Variants in AKR1E2 observed in about 807,000 individuals in gnomAD.
The protein encoded by AKR1E2 is 1,5-anhydro-D-fructose reductase.
AKR1E2 carries 43 observed loss-of-function variants against 41.9 expected under a neutral mutation model. The ratio of observed to expected loss-of-function variants is 1.03; its 90% confidence interval spans 0.80 to 1.32. The LOEUF is 1.32. Among genes scored for constraint, AKR1E2 ranks in the 40% most tolerant of loss-of-function variants. AKR1E2 has a pLI of 0.00. For synonymous variants in AKR1E2, 121 were observed against 138.9 expected, an observed-to-expected ratio of 0.87 and a Z score of 0.91; for missense variants, 423 against 396.5, an observed-to-expected ratio of 1.07 and a Z score of -0.57.
At chr10:4,834,781 A>T (rs79436846) in intron 3 of AKR1E2, among the ~76,000 whole-genome samples, 5,300 of 152,280 alleles carry the variant, frequency 0.035, 149 homozygotes, top group East Asian at 0.11. Flanking sequence ...GAAAAGGAAA[A>T]GGTCTCAGAT....
chr10:4,869,977 T>C, the AKR1E2 span, among the ~76,000 whole-genome samples: 33,107 of 151,964 alleles, frequency 0.22, 3,825 homozygotes, highest in Middle Eastern at 0.33. Context: ...CTTGATTATG[T>C]GATTTGGGAA....
At chr10:4,827,326 TGA>T (rs1165192283) in intron 1 of AKR1E2, among the ~76,000 whole-genome samples, 1 of 141,818 alleles carries the variant, frequency 7.1e-6, no homozygotes, top group Non-Finnish European at 1.6e-5. Flanking sequence ...GTAAGATGTT[TGA>T]AATGTCTTGT....
the AKR1E2 span, among the ~76,000 whole-genome samples, chr10:4,854,880 C>G: frequency 2.4e-3 from 365 of 152,314 alleles, 2 homozygotes; most frequent in African/African-American, 8.5e-3. Flanking sequence ...GGTAAAGTCT[C>G]TTTCGGCTAA....
the AKR1E2 span, among the ~76,000 whole-genome samples, chr10:4,859,699 G>T: frequency 2.0e-5 from 3 of 152,216 alleles, no homozygotes; most frequent in Admixed American, 1.3e-4. Context: ...GAAGAATAGG[G>T]TCAGATCTCT....
At chr10:4,854,827 C>A in the AKR1E2 span, among the ~76,000 whole-genome samples, 761 of 152,088 alleles carry the variant, frequency 5.0e-3, 8 homozygotes, top group African/African-American at 0.018. Context: ...CTTGACTGAC[C>A]TTGGGTTAGA....
downstream of AKR1E2, among the ~76,000 whole-genome samples, chr10:4,851,535 C>T (rs966098238): frequency 2.6e-5 from 4 of 152,332 alleles, no homozygotes; most frequent in East Asian, 3.9e-4. Flanking sequence ...TGTCACGTAT[C>T]GCCTCTGCCA....
Position 4,847,142 on chromosome 10 carries a change from T to C in AKR1E2, c.838-6T>C, listed in dbSNP as rs1564279573. The C allele has an allele frequency of 6.2e-7, 1 of 1,613,500 alleles. No homozygotes were observed. The highest frequency in any genetic ancestry group is 1.3e-5 in the African/African-American group (1 of 75,036). On this transcript the variant is annotated splice_polypyrimidine_tract_variant and splice_region_variant and intron_variant, in intron 8 of 9. Coordinates refer to ENST00000298375, the MANE Select transcript of AKR1E2 (RefSeq NM_001040177.3). ...GTTTTCTACAAACATTGTGTTTTGG[T>C]TCCAGGTGTTTGATTTTGAATTAAC...
At chr10:4,872,247 ACAAATTCT>A in the AKR1E2 span, among the ~76,000 whole-genome samples, 1 of 152,344 alleles carries the variant, frequency 6.6e-6, no homozygotes, top group Non-Finnish European at 1.5e-5. Context: ...GAGGGCAGAA[ACAAATTCT>A]CTCTTTTTTA....
chr10:4,826,767 C>T (rs1832555694), intron 1 of AKR1E2, among the ~76,000 whole-genome samples: 1 of 152,146 alleles, frequency 6.6e-6, no homozygotes, highest in South Asian at 2.1e-4. Flanking sequence ...GAAGCCTCCT[C>T]TCCAGCAAAG....
intron 7 of AKR1E2, among the ~76,000 whole-genome samples, 199 bp from the exon 8 acceptor site, chr10:4,842,222 A>G (rs1487959886): frequency 6.6e-6 from 1 of 152,228 alleles, no homozygotes; most frequent in East Asian, 1.9e-4. Flanking sequence ...CTCATTAAGC[A>G]GATTCTCTGA....
chr10:4,859,085 T>C, the AKR1E2 span, among the ~76,000 whole-genome samples: 1 of 152,062 alleles, frequency 6.6e-6, no homozygotes, highest in Middle Eastern at 3.2e-3. Flanking sequence ...GCCTCCCAAA[T>C]TTCTGGGATT....
chr10:4,861,293 T>G, the AKR1E2 span, among the ~76,000 whole-genome samples: 1 of 152,172 alleles, frequency 6.6e-6, no homozygotes, highest in African/African-American at 2.4e-5. Context: ...CTCTAAAAAC[T>G]AATCATCATC....
upstream of AKR1E2, among the ~76,000 whole-genome samples, chr10:4,825,497 TGCAA>T (rs1480651962): frequency 6.6e-6 from 1 of 152,116 alleles, no homozygotes; most frequent in African/African-American, 2.4e-5. Flanking sequence ...GGCCCGAGGC[TGCAA>T]GCAAGGACGC....
chr10:4,849,727 G>A (rs1834487453), downstream of AKR1E2, among the ~76,000 whole-genome samples: 1 of 152,178 alleles, frequency 6.6e-6, no homozygotes, highest in Non-Finnish European at 1.5e-5. Flanking sequence ...ACAGTAATAC[G>A]TCAGGTGTCT....
chr10:4,849,250 G>C (rs147657564), downstream of AKR1E2, among the ~76,000 whole-genome samples: 3 of 152,198 alleles, frequency 2.0e-5, no homozygotes, highest in African/African-American at 4.8e-5. Context: ...ACCTTCCTAC[G>C]ATCAGGCCCT....
chr10:4,854,052 T>C, the AKR1E2 span, among the ~76,000 whole-genome samples: 8 of 151,678 alleles, frequency 5.3e-5, no homozygotes, highest in Admixed American at 5.3e-4. Flanking sequence ...GGCTGTTTTG[T>C]CTATGGAGTA....
chr10:4,862,326 T>A, the AKR1E2 span, among the ~76,000 whole-genome samples: 2 of 152,352 alleles, frequency 1.3e-5, no homozygotes, highest in East Asian at 3.9e-4. Context: ...CTGTTTTGGT[T>A]ACTGTAGCCT....
At chr10:4,869,912 A>G in the AKR1E2 span, among the ~76,000 whole-genome samples, 37 of 151,980 alleles carry the variant, frequency 2.4e-4, no homozygotes, top group East Asian at 6.9e-3. Flanking sequence ...AGGTTTTTAT[A>G]ATTTTGGTTA....
intron 1 of AKR1E2, among the ~76,000 whole-genome samples, chr10:4,829,039 T>C (rs1453545229): frequency 6.6e-6 from 1 of 152,172 alleles, no homozygotes; most frequent in Admixed American, 6.5e-5. Flanking sequence ...AAGCTTAAAA[T>C]TGCTTCTTCT....
Sources: gnomAD v4.1 joint callset for allele counts (sites outside exome capture counted in the v4.1 genomes callset) on GRCh38, gnomAD v4.1.1 for gene constraint, MANE v1.5 for transcripts, NCBI Gene and HGNC (gene_info 2026-07-23, HGNC 2026-07-21) for gene names.